The following GDPD3 variants were observed in gnomAD, a reference collection of about 807,000 sequenced individuals.
GDPD3 encodes the protein glycerophosphodiester phosphodiesterase domain containing 3, also known as lysophospholipase D GDPD3.
Under a neutral mutation model 43.7 loss-of-function variants are expected in GDPD3, and 40 were observed. That is an observed-to-expected ratio of 0.91 (90% CI 0.71 to 1.19). The LOEUF is 1.19. Among genes scored for constraint, GDPD3 ranks in the 50% most tolerant of loss-of-function variants. The pLI, the probability that GDPD3 is intolerant of heterozygous loss-of-function variation, is 0.00. For synonymous variants in GDPD3, 145 were observed against 162.9 expected (o/e 0.89, Z 0.84); for missense variants, 363 against 415.8 (o/e 0.87, Z 1.11).
chr16:30,105,034 T>G, intron 9 of GDPD3, 25 bp from the exon 10 acceptor site: 1 of 1,576,094 alleles, frequency 6.3e-7, no homozygotes, highest in Non-Finnish European at 8.6e-7. Context: ...AGGGGGCCTG[T>G]AGATTCTGAA....
rs373285674 is a variant in GDPD3 at position 30,106,563 on chromosome 16, T to C, written c.820-1554A>G. On this transcript the variant is annotated intron_variant, in intron 9 of 9. Transcript: ENST00000406256. Reference sequence around the variant, plus strand: ...AAAAATACAGATGAGACGAGGTCTCTCTGTATTGCCAACACTGGAGTGCAG... The same window carrying C: ...AAAAATACAGATGAGACGAGGTCTCCCTGTATTGCCAACACTGGAGTGCAG... Among the ~76,000 whole-genome samples the C allele has an allele frequency of 6.7e-4, 102 of 152,260 alleles. 2 individuals carry two copies. The South Asian group carries it at 0.02, about 31-fold the overall frequency.
Position 30,108,215 on chromosome 16 carries a change from G to T in GDPD3, c.817C>A (p.Gln273Lys), listed in dbSNP as rs773706730. The change falls in exon 9 of 10, where the codon CAG becomes AAG. Residue 273 changes from glutamine to lysine, a missense_variant and splice_region_variant. Coordinates refer to ENST00000406256, the MANE Select transcript of GDPD3 (RefSeq NM_024307.3). The stretch of plus-strand genomic sequence containing the variant: ...GGAAGTGGTGGTCACGGCCTCACCT[G>T]CACCCCTCGCTCCTCCAAGTGTCGG... ...LIRHLEERGV[Q>K]VVFWCLNEES... The T allele has an allele frequency of 1.9e-6, 3 of 1,598,148 alleles. No homozygotes were observed. In the Admixed American group the frequency reaches 5.1e-5, roughly 27 times the overall value.
rs770777307 is a variant in GDPD3 at position 30,112,838 on chromosome 16, A to G, written c.183-45T>C. 9.4e-6 allele frequency: 15 copies of G among 1,590,868 alleles called. No homozygotes were observed. Among genetic ancestry groups the G allele is most frequent in the African/African-American group, 1.3e-5 (1 of 74,530 alleles). ...CGGGGGGCAGGGGCAGGGGACTGGG[A>G]TGAGGGGCATGGTGGCTGGGAGGTG... On this transcript the variant is annotated intron_variant, in intron 2 of 9. Transcript: ENST00000406256. This position sits in a 1 kb window ranked among gnomAD's most constrained non-coding sequence, Gnocchi z 5.4.
intron 7 of GDPD3, 35 bp from the exon 8 acceptor site, chr16:30,108,467 G>A (rs769478903): frequency 6.2e-7 from 1 of 1,603,990 alleles, no homozygotes; most frequent in African/African-American, 1.3e-5. Flanking sequence ...TAGCTCCTAG[G>A]GTCTCCCCTG....
chr16:30,105,056 C>T, intron 9 of GDPD3, 47 bp from the exon 10 acceptor site: 1 of 1,530,488 alleles, frequency 6.5e-7, no homozygotes, highest in Non-Finnish European at 8.9e-7. Flanking sequence ...AATTTTACAT[C>T]TGGAGAGTGG....
intron 9 of GDPD3, 180 bp downstream of exon 9, chr16:30,108,029 TTGTG>T (rs937384429): frequency 5.8e-6 from 3 of 516,038 alleles, no homozygotes; most frequent in East Asian, 3.3e-5. Flanking sequence ...AAGAAGAAAA[TTGTG>T]TGTGTTCGTG....
Position 30,112,351 on chromosome 16 carries a change from G to A in GDPD3, c.438C>T (p.Pro146=), listed in dbSNP as rs1379176127. The part of the protein sequence containing the change: ...EDLFQRFPRT[P]MSVEIKGKNE... ...TCTTCCCTTTGATCTCTACGCTCAT[G>A]GGTGTCCTTGGAAACCTCTGGAACA... The change falls in exon 5 of 10, where the codon CCC becomes CCT. Residue 146 remains proline, a synonymous_variant. Transcript: ENST00000406256. The surrounding 1 kb of genome is among the most constrained non-coding windows in gnomAD (Gnocchi z 5.4). 7 of 1,614,190 alleles carry A rather than the reference G, an allele frequency of 4.3e-6. No individual in the cohort carries two copies. The East Asian group carries it at 1.1e-4, about 26-fold the overall frequency.
chr16:30,105,281 C>G (rs2072849123), intron 9 of GDPD3, among the ~76,000 whole-genome samples: 1 of 151,956 alleles, frequency 6.6e-6, no homozygotes, highest in Admixed American at 6.6e-5. Flanking sequence ...GAGACCTCAT[C>G]TCTACAAAAA....
Position 30,110,860 on chromosome 16 carries a change from C to CAAAAAAAAAA in GDPD3, c.707+518_707+527dup, listed in dbSNP as rs10523466. Reference sequence around the variant, plus strand: ...CATTCCAGCCCGAGCAAGACTGTCTCAAAAAAAAAAAAAAAATTGTAAAGC... The same window carrying CAAAAAAAAAA: ...CATTCCAGCCCGAGCAAGACTGTCTCAAAAAAAAAAAAAAAAAAAAAAAAAATTGTAAAGC... On this transcript the variant is annotated intron_variant, in intron 7 of 9. Coordinates refer to ENST00000406256, the MANE Select transcript of GDPD3 (RefSeq NM_024307.3). The CAAAAAAAAAA allele has an allele frequency of 1.5e-4, 13 of 88,474 alleles. 1 individual carries two copies. The highest frequency in any genetic ancestry group is 1.4e-4 in the Non-Finnish European group (7 of 50,812). The allele number at this position is 88,474 out of a possible 1,614,324, so 5.5% of individuals were successfully genotyped here.
chr16:30,109,304 G>A (rs2072883601), intron 7 of GDPD3, among the ~76,000 whole-genome samples: 1 of 152,200 alleles, frequency 6.6e-6, no homozygotes, highest in African/African-American at 2.4e-5. Context: ...GTCTGAGGTG[G>A]GAGGAGACCA....
intron 6 of GDPD3, 61 bp from the exon 7 acceptor site, chr16:30,111,582 G>A (rs2072900151): frequency 6.3e-7 from 1 of 1,581,172 alleles, no homozygotes; most frequent in African/African-American, 1.3e-5. Context: ...GAGGAGGCAT[G>A]AGCTGCAGGG....
In GDPD3 at chr16:30,112,177, G is replaced by A; in HGVS notation, c.528C>T (p.Ile176=). 1 of 1,614,166 alleles carries A rather than the reference G, an allele frequency of 6.2e-7. No homozygotes were observed. Among genetic ancestry groups the A allele is most frequent in the Non-Finnish European group, 8.5e-7 (1 of 1,180,026 alleles). ...TGACCGAGCTCTTCTCCGAGGCCCA[G>A]ATGGTGATTTCATTACGGTCATAGC... ...VRRYDRNEIT[I]WASEKSSVMK... Residue 176 remains isoleucine, a synonymous_variant, in exon 6 of 10, where the codon ATC becomes ATT. Coordinates refer to ENST00000406256, the MANE Select transcript of GDPD3 (RefSeq NM_024307.3). The surrounding 1 kb of genome is among the most constrained non-coding windows in gnomAD (Gnocchi z 5.4).
chr16:30,111,977 G>T, intron 6 of GDPD3, 155 bp downstream of exon 6: 1 of 622,318 alleles, frequency 1.6e-6, no homozygotes, highest in East Asian at 2.7e-5. Context: ...CTGTGTTCGA[G>T]GCCTGAGTTC....
At chr16:30,108,505 C>A in intron 7 of GDPD3, 73 bp from the exon 8 acceptor site, 2 of 1,365,830 alleles carry the variant, frequency 1.5e-6, no homozygotes, top group Non-Finnish European at 2.1e-6. Flanking sequence ...GCTGGTAGTG[C>A]CCCCGCCAAC....
chr16:30,111,639 G>T, intron 6 of GDPD3, 118 bp from the exon 7 acceptor site: 1 of 1,146,758 alleles, frequency 8.7e-7, no homozygotes, highest in Non-Finnish European at 1.3e-6. Context: ...CAGGATCCAA[G>T]TCACATCTTG....
chr16:30,111,296 G>A (rs1819204892), intron 7 of GDPD3, 92 bp downstream of exon 7: 3 of 1,409,850 alleles, frequency 2.1e-6, no homozygotes, highest in Non-Finnish European at 2.9e-6. Flanking sequence ...TTATCTCTGA[G>A]GGGAGCTGGG....
At position 30,111,537 on chromosome 16, in the gene GDPD3, G is replaced by C. The variant is rs774334117; in HGVS notation, c.574-16C>G. ...TCTCGGGGTTCTGGGGAGGCAAGGA[G>C]AGGCATGAGAATCTGTCTGCTCTGG... On this transcript the variant is annotated splice_polypyrimidine_tract_variant and intron_variant, in intron 6 of 9. Coordinates refer to ENST00000406256, the MANE Select transcript of GDPD3 (RefSeq NM_024307.3). 15 of 1,613,368 alleles carry C rather than the reference G, an allele frequency of 9.3e-6. No homozygotes were observed. In the Admixed American group the frequency reaches 1.0e-4, roughly 11 times the overall value.
Position 30,112,843 on chromosome 16 carries a change from GGGCATGGT to G in GDPD3, c.183-58_183-51del. The G allele has an allele frequency of 6.3e-7, 1 of 1,588,562 alleles. No individual in the cohort carries two copies. On this transcript the variant is annotated intron_variant, in intron 2 of 9. Transcript: ENST00000406256. This position sits in a 1 kb window ranked among gnomAD's most constrained non-coding sequence, Gnocchi z 5.4. ...GGCAGGGGCAGGGGACTGGGATGAG[GGGCATGGT>G]GGCTGGGAGGTGGCCGGGAATGTGA...
intron 7 of GDPD3, among the ~76,000 whole-genome samples, chr16:30,109,150 A>G (rs2072882785): frequency 6.6e-6 from 1 of 151,994 alleles, no homozygotes; most frequent in Middle Eastern, 3.4e-3. Flanking sequence ...TTTTGTAGAG[A>G]CATGTCTCAC....
Sources: allele counts gnomAD v4.1 joint callset (sites outside exome capture counted in the v4.1 genomes callset), GRCh38; gene constraint gnomAD v4.1.1; non-coding constraint Gnocchi (gnomAD v3.1); transcripts MANE v1.5; gene names NCBI Gene and HGNC (gene_info 2026-07-23, HGNC 2026-07-21).